The following NELL2 variants were observed in gnomAD, a reference collection of about 807,000 sequenced individuals.
The protein encoded by NELL2 is protein kinase C-binding protein NELL2.
A neutral mutation model predicts 109.6 loss-of-function variants in NELL2; 41 were observed. The observed-to-expected ratio is 0.37, with a 90% confidence interval of 0.29 to 0.49. The LOEUF is 0.49. Ranked by LOEUF, NELL2 falls within the 20% of genes least tolerant of loss-of-function variation. NELL2 has a pLI of 0.98. For synonymous variants in NELL2, 355 were observed against 344.7 expected, an observed-to-expected ratio of 1.03 and a Z score of -0.33; for missense variants, 900 against 1,008.3, an observed-to-expected ratio of 0.89 and a Z score of 1.45.
At chr12:44,686,412 G>A (rs1479222254) in intron 12 of NELL2, among the ~76,000 whole-genome samples, 1 of 152,174 alleles carries the variant, frequency 6.6e-6, no homozygotes, top group East Asian at 1.9e-4. Context: ...TCTTCTCTCA[G>A]CTCGTCAAAG....
intron 12 of NELL2, among the ~76,000 whole-genome samples, chr12:44,700,350 G>A (rs766557233): frequency 2.6e-5 from 4 of 152,128 alleles, no homozygotes; most frequent in Non-Finnish European, 5.9e-5. Context: ...ACACAAGTGT[G>A]ATCACGAAAC....
intron 13 of NELL2, among the ~76,000 whole-genome samples, chr12:44,661,821 T>A (rs1224218891): frequency 6.6e-6 from 1 of 152,056 alleles, no homozygotes; most frequent in Non-Finnish European, 1.5e-5. Context: ...TCTTCCACTC[T>A]CTTCCCTTTT....
chr12:44,860,674 T>C (rs574568752), intron 2 of NELL2, among the ~76,000 whole-genome samples: 62 of 149,110 alleles, frequency 4.2e-4, no homozygotes, highest in Non-Finnish European at 7.7e-4. Context: ...CCCTTGTGAT[T>C]ACATTGGGCC....
Position 44,643,496 on chromosome 12 carries a change from A to C in NELL2, c.1444+21988T>G, listed in dbSNP as rs1351822315. Reference sequence around the variant, plus strand: ...ATATTAACGAGGTTCAGACCTTCCAAAGGGAAAAAAAAGATAAAATATTAA... The same window carrying C: ...ATATTAACGAGGTTCAGACCTTCCACAGGGAAAAAAAAGATAAAATATTAA... On this transcript the variant is annotated intron_variant, in intron 13 of 19. Transcript: ENST00000429094. Among the ~76,000 whole-genome samples the C allele has an allele frequency of 3.9e-5, 6 of 152,294 alleles. No homozygotes were observed. In the East Asian group the frequency reaches 1.2e-3, roughly 29 times the overall value.
chr12:44,770,246 CTT>C (rs1218425867), intron 9 of NELL2, among the ~76,000 whole-genome samples: 11 of 152,142 alleles, frequency 7.2e-5, no homozygotes, highest in Admixed American at 3.3e-4. Flanking sequence ...ATGAGTGACT[CTT>C]TTAATAAAAA....
intron 13 of NELL2, among the ~76,000 whole-genome samples, chr12:44,664,470 T>C (rs1476911988): frequency 1.3e-5 from 2 of 152,092 alleles, no homozygotes; most frequent in Non-Finnish European, 2.9e-5. Flanking sequence ...GGCTATCAAT[T>C]AGCAGACAGT....
At chr12:44,527,717 C>G (rs956939865) in intron 16 of NELL2, among the ~76,000 whole-genome samples, 1 of 152,074 alleles carries the variant, frequency 6.6e-6, no homozygotes, top group African/African-American at 2.4e-5. Flanking sequence ...CTACACATCA[C>G]GGAAATCGCA....
chr12:44,891,323 T>C (rs1945531752), intron 1 of NELL2, among the ~76,000 whole-genome samples: 1 of 152,158 alleles, frequency 6.6e-6, no homozygotes, highest in Admixed American at 6.5e-5. Flanking sequence ...CCTAAGGCCA[T>C]GGGAGCAGAT....
At chr12:44,616,753 C>G (rs1336025449) in intron 13 of NELL2, among the ~76,000 whole-genome samples, 3 of 152,132 alleles carry the variant, frequency 2.0e-5, no homozygotes, top group Non-Finnish European at 4.4e-5. Flanking sequence ...AGTGTCCCCA[C>G]CAAAGCAAAT....
At chr12:44,569,368 G>A (rs1943777618) in intron 15 of NELL2, among the ~76,000 whole-genome samples, 1 of 152,036 alleles carries the variant, frequency 6.6e-6, no homozygotes, top group Non-Finnish European at 1.5e-5. Context: ...CTTTACAATA[G>A]TACAATTTAC....
intron 2 of NELL2, among the ~76,000 whole-genome samples, chr12:44,821,060 C>CAG (rs72165534): frequency 0.023 from 3,457 of 151,670 alleles, 73 homozygotes; most frequent in East Asian, 0.049. Context: ...CACACACACA[C>CAG]ACACACACAC....
chr12:44,786,852 A>T (rs1223332735), intron 3 of NELL2, among the ~76,000 whole-genome samples: 1 of 152,078 alleles, frequency 6.6e-6, no homozygotes, highest in Non-Finnish European at 1.5e-5. Flanking sequence ...CAGAGAGGAG[A>T]ACATCACGTA....
chr12:44,577,561 C>A (rs926676992), intron 15 of NELL2, among the ~76,000 whole-genome samples: 1 of 147,736 alleles, frequency 6.8e-6, no homozygotes, highest in African/African-American at 2.6e-5. Flanking sequence ...CACTGCAAGC[C>A]CCGCCTCCCG....
At chr12:44,618,719 G>A (rs7967221) in intron 13 of NELL2, among the ~76,000 whole-genome samples, 25,846 of 151,978 alleles carry the variant, frequency 0.17, 3,460 homozygotes, top group African/African-American at 0.37. Context: ...CTGGTGATAC[G>A]AATAGATAAC....
At chr12:44,742,469 A>G (rs562762983) in intron 9 of NELL2, among the ~76,000 whole-genome samples, 1 of 152,370 alleles carries the variant, frequency 6.6e-6, no homozygotes, top group South Asian at 2.1e-4. Flanking sequence ...AATGACTTTG[A>G]CGAGTTGAGA....
At chr12:44,824,713 C>G (rs1409574326) in intron 2 of NELL2, among the ~76,000 whole-genome samples, 1 of 132,560 alleles carries the variant, frequency 7.5e-6, no homozygotes, top group African/African-American at 2.8e-5. Flanking sequence ...ATTTTATTTA[C>G]TTTTTTTTTT....
rs73284035 is a variant in NELL2, at chr12:44,605,664, C to G, written c.1663+1505G>C. On this transcript the variant is annotated intron_variant, in intron 15 of 19. Transcript: ENST00000429094. The stretch of plus-strand genomic sequence containing the variant: ...GGATTGTGCACGGCCACTGTTCATC[C>G]CAGATTTTCTGGGACAGCTTTTATT... Among the ~76,000 whole-genome samples the G allele has an allele frequency of 3.9e-5, 6 of 152,084 alleles. No homozygotes were observed. The East Asian group carries it at 1.2e-3, about 29-fold the overall frequency.
At chr12:44,627,262 G>A (rs1027212749) in intron 13 of NELL2, among the ~76,000 whole-genome samples, 2 of 151,906 alleles carry the variant, frequency 1.3e-5, no homozygotes, top group African/African-American at 4.8e-5. Flanking sequence ...AATCTAAGTG[G>A]GCATTTATTA....
At chr12:44,772,364 T>C (rs1941584998) in intron 9 of NELL2, among the ~76,000 whole-genome samples, 1 of 152,222 alleles carries the variant, frequency 6.6e-6, no homozygotes, top group South Asian at 2.1e-4. Context: ...TGAAAATCTG[T>C]ACTATTTAAG....
Sources: allele counts gnomAD v4.1 joint callset (sites outside exome capture counted in the v4.1 genomes callset), GRCh38; gene constraint gnomAD v4.1.1; transcripts MANE v1.5; gene names NCBI Gene and HGNC (gene_info 2026-07-23, HGNC 2026-07-21).